Variants in APOLD1 observed in about 807,000 individuals in gnomAD.
APOLD1 encodes the protein apolipoprotein L domain-containing protein 1.
A neutral mutation model predicts 15.3 loss-of-function variants in APOLD1; 22 were observed. That is an observed-to-expected ratio of 1.44 (90% CI 1.03 to 2.05). APOLD1 has a LOEUF of 2.05. Among genes scored for constraint, APOLD1 ranks in the 30% most tolerant of loss-of-function variants. The pLI is 0.00. For synonymous variants in APOLD1, 190 were observed against 167.4 expected, an observed-to-expected ratio of 1.13 and a Z score of -1.04; for missense variants, 394 against 353.5, an observed-to-expected ratio of 1.11 and a Z score of -0.92.
Position 12,785,659 on chromosome 12 carries a change from A to C in APOLD1, c.-33A>C, listed in dbSNP as rs1181685187. ...AGCACACTCATCCAGAAACAGCCTC[A>C]GATTTTACTTTCCTGGAGGCAGACA... On this transcript the variant is annotated 5_prime_UTR_variant, in exon 1 of 2. Coordinates refer to ENST00000356591, the MANE Select transcript of APOLD1 (RefSeq NM_030817.3). 1.9e-6 allele frequency: 3 copies of C among 1,614,218 alleles called. No homozygotes were observed. The highest frequency in any genetic ancestry group is 2.5e-6 in the Non-Finnish European group (3 of 1,180,032).
At chr12:12,772,196 G>A (rs1946993311) in intron 1 of APOLD1, among the ~76,000 whole-genome samples, 2 of 152,160 alleles carry the variant, frequency 1.3e-5, no homozygotes, top group African/African-American at 4.8e-5. Context: ...TTAAAAGAAA[G>A]AGATTGTCAG....
chr12:12,779,292 T>C (rs1376995795), intron 1 of APOLD1, among the ~76,000 whole-genome samples: 2 of 152,130 alleles, frequency 1.3e-5, no homozygotes, highest in African/African-American at 4.8e-5. Flanking sequence ...ATATTCTGTC[T>C]TTTTCTCTTC....
At chr12:12,734,829 C>T (rs894531766) in intron 1 of APOLD1, among the ~76,000 whole-genome samples, 5 of 152,210 alleles carry the variant, frequency 3.3e-5, no homozygotes, top group Non-Finnish European at 7.3e-5. Flanking sequence ...GGAGCCTTTA[C>T]TAAGGCCAGG....
chr12:12,761,917 C>G, intron 1 of APOLD1, among the ~76,000 whole-genome samples: 1 of 148,362 alleles, frequency 6.7e-6, no homozygotes, highest in Admixed American at 6.8e-5. Context: ...CTCACTGCAA[C>G]CTTCAACTCC....
At chr12:12,769,571 A>AG (rs35599000) in intron 1 of APOLD1, among the ~76,000 whole-genome samples, 70,213 of 151,942 alleles carry the variant, frequency 0.46, 18,145 homozygotes, top group African/African-American at 0.72. Context: ...TGAATTTTGC[A>AG]AACGATCCTC....
chr12:12,728,665 CAAAAA>C (rs58877184), intron 1 of APOLD1, among the ~76,000 whole-genome samples: 7 of 62,868 alleles, frequency 1.1e-4, no homozygotes, highest in South Asian at 4.8e-4. Context: ...GACCCTGTCT[CAAAAA>C]AAAAAAAAAA....
At chr12:12,752,836 T>C (rs1946822373) in intron 1 of APOLD1, among the ~76,000 whole-genome samples, 1 of 152,234 alleles carries the variant, frequency 6.6e-6, no homozygotes, top group Non-Finnish European at 1.5e-5. Context: ...GATTGACTAA[T>C]TCAGGTACCA....
At chr12:12,750,039 C>G (rs1369581782) in intron 1 of APOLD1, among the ~76,000 whole-genome samples, 1 of 152,122 alleles carries the variant, frequency 6.6e-6, no homozygotes, top group Non-Finnish European at 1.5e-5. Flanking sequence ...TGTACCCCCA[C>G]ACTGAAATCC....
intron 1 of APOLD1, among the ~76,000 whole-genome samples, chr12:12,737,794 G>A (rs1326493806): frequency 6.6e-6 from 1 of 152,128 alleles, no homozygotes; most frequent in African/African-American, 2.4e-5. Flanking sequence ...TGTCTTCCGT[G>A]GGATTTGTTC....
chr12:12,787,534 C>T lies in APOLD1; in HGVS notation c.629C>T (p.Thr210Ile), dbSNP rs562184379. The change falls in exon 2 of 2, where the codon ACC (threonine) becomes ATC (isoleucine). Residue 210 changes from threonine (T) to isoleucine (I), a missense_variant. Thr to Ile is a moderately conservative substitution (Grantham distance 89). Transcript: ENST00000356591. This position sits in a 1 kb window ranked among gnomAD's most constrained non-coding sequence, Gnocchi z 4.9. Reference protein sequence around the residue: ...QKLAESLESCTGALDELSEQL... With the variant: ...QKLAESLESCIGALDELSEQL... Reference sequence around the variant, plus strand: ...CTGGCCGAGAGCCTGGAGTCCTGCACCGGGGCTCTGGACGAACTCAGCGAG... The same window carrying T: ...CTGGCCGAGAGCCTGGAGTCCTGCATCGGGGCTCTGGACGAACTCAGCGAG... The T allele has an allele frequency of 1.2e-5, 19 of 1,613,844 alleles. No homozygotes were observed. The highest frequency in any genetic ancestry group is 1.6e-5 in the Non-Finnish European group (19 of 1,180,050).
chr12:12,764,104 A>AG (rs1205211860), intron 1 of APOLD1, among the ~76,000 whole-genome samples: 2 of 152,126 alleles, frequency 1.3e-5, no homozygotes, highest in Non-Finnish European at 2.9e-5. Context: ...CTGGGATTGC[A>AG]GGTGCCTGCC....
chr12:12,777,380 CT>C (rs1242064960), intron 1 of APOLD1, among the ~76,000 whole-genome samples: 1 of 152,102 alleles, frequency 6.6e-6, no homozygotes, highest in East Asian at 1.9e-4. Flanking sequence ...TACAAAACGA[CT>C]GATGTCCTTT....
chr12:12,767,574 T>C (rs1946951286), intron 1 of APOLD1, among the ~76,000 whole-genome samples: 1 of 151,956 alleles, frequency 6.6e-6, no homozygotes, highest in Non-Finnish European at 1.5e-5. Context: ...AGCATGAGAA[T>C]TGCTTGAACC....
chr12:12,785,467 C>T (rs189189001), upstream of APOLD1: 1 of 622,150 alleles, frequency 1.6e-6, no homozygotes, highest in East Asian at 2.8e-5. Context: ...GGAAAGCGAA[C>T]ACACAATGTT....
At chr12:12,783,863 A>C (rs1052876959), upstream of APOLD1, among the ~76,000 whole-genome samples, 1 of 151,822 alleles carries the variant, frequency 6.6e-6, no homozygotes, top group African/African-American at 2.4e-5. Context: ...CGAACTCCTG[A>C]CTTCAAGCGA....
chr12:12,726,211 A>G (rs12812645), intron 1 of APOLD1: 7 of 782,390 alleles, frequency 8.9e-6, no homozygotes, highest in East Asian at 2.9e-5. Flanking sequence ...TGTTATTTCA[A>G]CCGCCACTCA....
At chr12:12,769,461 T>C (rs1375635482) in intron 1 of APOLD1, among the ~76,000 whole-genome samples, 1 of 152,126 alleles carries the variant, frequency 6.6e-6, no homozygotes, top group Non-Finnish European at 1.5e-5. Flanking sequence ...GACAAATTGC[T>C]GGAGGCTTGG....
intron 1 of APOLD1, among the ~76,000 whole-genome samples, chr12:12,728,925 C>T (rs1592286381): frequency 6.6e-6 from 1 of 152,154 alleles, no homozygotes; most frequent in South Asian, 2.1e-4. Context: ...TGGATGGGAA[C>T]ACCCAACATG....
chr12:12,739,864 T>G (rs1946718648), intron 1 of APOLD1, among the ~76,000 whole-genome samples: 1 of 150,176 alleles, frequency 6.7e-6, no homozygotes, highest in Non-Finnish European at 1.5e-5. Flanking sequence ...TCACCTAGGC[T>G]GGAGTGCAGT....
Sources: allele counts gnomAD v4.1 joint callset (sites outside exome capture counted in the v4.1 genomes callset), GRCh38; gene constraint gnomAD v4.1.1; non-coding constraint Gnocchi (gnomAD v3.1); transcripts MANE v1.5; gene names NCBI Gene and HGNC (gene_info 2026-07-23, HGNC 2026-07-21).